The following TRIM55 variants were observed in gnomAD, a reference collection of about 807,000 sequenced individuals.
TRIM55 encodes the protein tripartite motif-containing protein 55.
TRIM55 carries 50 observed loss-of-function variants against 60.9 expected under a neutral mutation model. The ratio of observed to expected loss-of-function variants is 0.82; its 90% CI spans 0.65 to 1.04. TRIM55 has a LOEUF of 1.04. Among genes scored for constraint, TRIM55 ranks in the 50% least tolerant of loss-of-function variants. The pLI, the probability that TRIM55 is intolerant of heterozygous loss-of-function variation, is 0.00. For missense variants in TRIM55, 681 were observed against 666.9 expected (o/e 1.02, Z -0.23); for synonymous variants, 237 against 238.1 (o/e 1.00, Z 0.04).
intron 2 of TRIM55, among the ~76,000 whole-genome samples, 164 bp from the exon 3 acceptor site, chr8:66,134,826 G>A (rs1563366368): frequency 6.6e-6 from 1 of 152,110 alleles, no homozygotes; most frequent in African/African-American, 2.4e-5. Context: ...GCTGAATTTG[G>A]TGGGCTCTGA....
rs2128979934 is a variant in TRIM55 at position 66,149,834 on chromosome 8, G to A, written c.793G>A (p.Gly265Arg). ...LENVSKLVESGIQFMDEPEMA... is the reference protein window; with the variant it reads ...LENVSKLVESRIQFMDEPEMA... ...GAACGTCTCAAAGTTGGTTGAGTCA[G>A]GAATTCAGTTTATGGATGAGCCAGA... Residue 265 changes from glycine to arginine, a missense_variant, in exon 5 of 10, where the codon GGA (glycine) becomes AGA (arginine). Transcript: ENST00000315962. 1 of 1,614,166 alleles carries A rather than the reference G, an allele frequency of 6.2e-7. No individual in the cohort carries two copies. Among genetic ancestry groups the A allele is most frequent in the South Asian group, 1.1e-5 (1 of 91,080 alleles).
At chr8:66,150,149 A>G in intron 5 of TRIM55, 68 bp from the exon 6 acceptor site, 2 of 1,553,488 alleles carry the variant, frequency 1.3e-6, no homozygotes, top group South Asian at 2.3e-5. Context: ...AACAAAGGAA[A>G]TAATTGTCTT....
intron 9 of TRIM55, among the ~76,000 whole-genome samples, chr8:66,172,919 TTTG>T (rs1238247248): frequency 2.6e-5 from 4 of 152,204 alleles, no homozygotes; most frequent in East Asian, 1.9e-4. Flanking sequence ...TTCGGGGTTT[TTTG>T]TTGTTGTTGT....
chr8:66,121,069 C>G, the TRIM55 span, among the ~76,000 whole-genome samples: 1 of 152,190 alleles, frequency 6.6e-6, no homozygotes, highest in Non-Finnish European at 1.5e-5. Context: ...CCATTTGGCC[C>G]GGCAGCTACA....
intron 2 of TRIM55, among the ~76,000 whole-genome samples, chr8:66,134,496 A>G (rs1809361946): frequency 6.6e-6 from 1 of 152,102 alleles, no homozygotes; most frequent in African/African-American, 2.4e-5. Flanking sequence ...AGCTACTCCT[A>G]AAAGCTGGTG....
intron 9 of TRIM55, among the ~76,000 whole-genome samples, chr8:66,157,294 A>G (rs7841890): frequency 0.027 from 4,120 of 152,224 alleles, 170 homozygotes; most frequent in African/African-American, 0.093. Flanking sequence ...TTGGTGTTTG[A>G]GGAAGGGCCT....
chr8:66,133,673 A>G (rs143661548), intron 2 of TRIM55, among the ~76,000 whole-genome samples: 65 of 152,284 alleles, frequency 4.3e-4, no homozygotes, highest in Middle Eastern at 3.4e-3. Flanking sequence ...GGCTTCTCCC[A>G]ATGTTTAGCC....
At position 66,128,349 on chromosome 8, in the gene TRIM55, TCA is replaced by T; in HGVS notation, c.215_216del (p.Ser72TrpfsTer10). 1 of 1,613,420 alleles carries T rather than the reference TCA, an allele frequency of 6.2e-7. No homozygotes were observed. Among genetic ancestry groups the T allele is most frequent in the Non-Finnish European group, 8.5e-7 (1 of 1,179,664 alleles). ...CACAAGAGGAGGTACCACCATGGCA[TCA>T]GGGGGCCGATTCCGCTGCCCATCCT... Reference protein sequence around the residue: ...LPTRGGTTMASGGRFRCPSCR... With the variant: ...LPTRGGTTMAXGGRFRCPSCR... On this transcript the variant is annotated frameshift_variant, in exon 2 of 10. Transcript: ENST00000315962. LOFTEE classifies it high-confidence loss of function.
At chr8:66,153,997 CTTCTTCT>C (rs1563383065) in intron 8 of TRIM55, 43 bp from the exon 9 acceptor site, 3 of 1,528,882 alleles carry the variant, frequency 2.0e-6, no homozygotes, top group Admixed American at 4.2e-5. Flanking sequence ...TTTTCTTCTT[CTTCTTCT>C]TTTTTTTTTT....
rs372474939 is a variant in TRIM55 at position 66,150,886 on chromosome 8, G to A, written c.985+420G>A. ...TCGCCATGTTGGCCAGGCTGGTCTCGAACTTCTGACCTCAGGTGATCCACC... is the reference window on the plus strand; with the variant it reads ...TCGCCATGTTGGCCAGGCTGGTCTCAAACTTCTGACCTCAGGTGATCCACC... On this transcript the variant is annotated intron_variant, in intron 7 of 9. Transcript: ENST00000315962. Among the ~76,000 whole-genome samples, 8 of 152,126 alleles carry A rather than the reference G, an allele frequency of 5.3e-5. No homozygotes were observed. The East Asian group carries it at 7.7e-4, about 15-fold the overall frequency.
chr8:66,136,041 T>C (rs971077039), intron 3 of TRIM55, among the ~76,000 whole-genome samples: 2 of 152,210 alleles, frequency 1.3e-5, no homozygotes, highest in Non-Finnish European at 1.5e-5. Context: ...AGCAAAACTC[T>C]TGGGCAACAC....
At chr8:66,123,860 A>G (rs943136786), upstream of TRIM55, among the ~76,000 whole-genome samples, 1 of 152,194 alleles carries the variant, frequency 6.6e-6, no homozygotes, top group Non-Finnish European at 1.5e-5. Flanking sequence ...TCTGTCTCTT[A>G]AAAGAAAATT....
In TRIM55 at chr8:66,154,468, A is replaced by G. The variant is rs73249973; in HGVS notation, c.1524+134A>G. The G allele has an allele frequency of 6.9e-3, 6,569 of 953,802 alleles. 258 individuals carry two copies. In the African/African-American group the frequency reaches 0.091, roughly 13 times the overall value. The allele number at this position is 953,802 out of a possible 1,614,324, so 59.1% of individuals were successfully genotyped here. A position where few individuals can be genotyped will look rare whatever the true frequency, so the allele number is the denominator to read the frequency against. ...CAGCCAGGGGAAAAGTACAGAAACA[A>G]TTCATCCCCCAATGTTGGCTTGTTT... On this transcript the variant is annotated intron_variant, in intron 9 of 9. Transcript: ENST00000315962.
intron 1 of TRIM55, among the ~76,000 whole-genome samples, chr8:66,127,788 T>G (rs1259105307): frequency 6.6e-6 from 1 of 152,106 alleles, no homozygotes; most frequent in East Asian, 1.9e-4. Flanking sequence ...CGAGCGGAGA[T>G]CGTGCCATTG....
chr8:66,163,548 C>A (rs1335053517), intron 9 of TRIM55, among the ~76,000 whole-genome samples: 1 of 152,120 alleles, frequency 6.6e-6, no homozygotes, highest in Non-Finnish European at 1.5e-5. Flanking sequence ...TTTAGATGAG[C>A]GGCATTTCGT....
rs1808854212 is a variant in TRIM55 at position 66,127,164 on chromosome 8, TA to T, written c.-102del. ...ACAATGTCCTCCACCGAGAGAAACG[TA>T]AAGGACACTTGATCACACAATCCCT... On this transcript the variant is annotated 5_prime_UTR_variant, in exon 1 of 10. An upstream open reading frame in the 5' UTR loses its in-frame stop. Transcript: ENST00000315962. 5 of 1,257,042 alleles carry T rather than the reference TA, an allele frequency of 4.0e-6. No individual in the cohort carries two copies. In the African/African-American group the frequency reaches 7.6e-5, roughly 19 times the overall value. 77.9% of individuals were successfully genotyped at this position (1,257,042 alleles called of 1,614,324 possible).
the TRIM55 span, among the ~76,000 whole-genome samples, chr8:66,121,434 CA>C: frequency 6.6e-6 from 1 of 152,100 alleles, no homozygotes; most frequent in Non-Finnish European, 1.5e-5. Flanking sequence ...CTATATAAAC[CA>C]AAATACCTTC....
the TRIM55 span, among the ~76,000 whole-genome samples, chr8:66,118,553 A>C: frequency 6.6e-6 from 1 of 152,228 alleles, no homozygotes; most frequent in East Asian, 1.9e-4. Context: ...TCATGGGTCA[A>C]GTCCTCAGTG....
chr8:66,159,998 A>G (rs781341237), intron 9 of TRIM55, among the ~76,000 whole-genome samples: 8 of 151,728 alleles, frequency 5.3e-5, no homozygotes, highest in Non-Finnish European at 1.0e-4. Flanking sequence ...ATTTCTTTTA[A>G]TTTTTTATTT....
Sources: gnomAD v4.1 joint callset for allele counts (sites outside exome capture counted in the v4.1 genomes callset) on GRCh38, gnomAD v4.1.1 for gene constraint, MANE v1.5 for transcripts, NCBI Gene and HGNC (gene_info 2026-07-23, HGNC 2026-07-21) for gene names.